The following SRP72 variants were observed in gnomAD, a reference collection of about 807,000 sequenced individuals.
SRP72 encodes signal recognition particle 72.
A neutral mutation model predicts 96.3 loss-of-function variants in SRP72; 49 were observed. The ratio of observed to expected loss-of-function variants is 0.51; its 90% CI spans 0.40 to 0.65. The LOEUF (loss-of-function observed/expected upper bound fraction) is 0.65. SRP72 is among the 30% of genes least tolerant of loss of function. The probability of loss-of-function intolerance (pLI) is 0.00; values close to 1 mark genes in which losing one functional copy is unlikely to be tolerated. For missense variants in SRP72, 736 were observed against 793.3 expected (o/e 0.93, Z 0.87); for synonymous variants, 267 against 275.2 (o/e 0.97, Z 0.30).
rs1721338702 is a variant in SRP72, at chr4:56,503,559, C to T, written c.*1698C>T. ...TTCCTCTTTTGGATAGGTCTTTAAC[C>T]AGTTCATATATATACTTTGTCAAAT... On this transcript the variant is annotated 3_prime_UTR_variant, in exon 19 of 19. Coordinates refer to ENST00000642900, the MANE Select transcript of SRP72 (RefSeq NM_006947.4). 6.6e-6 allele frequency: 1 copy of T among 152,140 alleles called. No individual in the cohort carries two copies. The highest frequency in any genetic ancestry group is 1.5e-5 in the Non-Finnish European group (1 of 68,026). 9.4% of individuals were successfully genotyped at this position (152,140 alleles called of 1,614,324 possible). A position where few individuals can be genotyped will look rare whatever the true frequency, so the allele number is the denominator to read the frequency against.
intron 16 of SRP72, among the ~76,000 whole-genome samples, chr4:56,494,232 T>G (rs1721002676): frequency 6.6e-6 from 1 of 152,198 alleles, no homozygotes; most frequent in Admixed American, 6.5e-5. Flanking sequence ...ATTTCTTATT[T>G]GGGGTATCCT....
intron 17 of SRP72, among the ~76,000 whole-genome samples, chr4:56,496,137 C>T (rs1721066537): frequency 6.6e-6 from 1 of 152,144 alleles, no homozygotes; most frequent in African/African-American, 2.4e-5. Flanking sequence ...CATTACCGTG[C>T]TTGATTTTAC....
intron 8 of SRP72, among the ~76,000 whole-genome samples, chr4:56,479,266 G>A (rs556020074): frequency 1.6e-4 from 24 of 151,920 alleles, no homozygotes; most frequent in African/African-American, 5.1e-4. Context: ...TGCAACCTCC[G>A]CCTCCCGCGT....
At chr4:56,478,825 A>C (rs1720353125) in intron 8 of SRP72, among the ~76,000 whole-genome samples, 176 bp downstream of exon 8, 1 of 152,216 alleles carries the variant, frequency 6.6e-6, no homozygotes, top group South Asian at 2.1e-4. Context: ...ATGATGCTGC[A>C]AGGTATACTC....
At chr4:56,473,292 T>C (rs1578176205) in intron 3 of SRP72, among the ~76,000 whole-genome samples, 1 of 151,918 alleles carries the variant, frequency 6.6e-6, no homozygotes, top group East Asian at 1.9e-4. Context: ...ACCCCATCTC[T>C]ACTAAAAAAT....
Position 56,473,444 on chromosome 4 carries a change from C to T in SRP72, c.355-610C>T, listed in dbSNP as rs529286299. ...CTGCACTCCAGCCTGGGTGACAGAG[C>T]GAGACTCCATCTCAAAAAAAAAAAA... is the stretch of plus-strand genomic sequence containing the variant. On this transcript the variant is annotated intron_variant, in intron 3 of 18. Transcript: ENST00000642900. 7.7e-5 allele frequency among the ~76,000 whole-genome samples: 11 copies of T among 142,034 alleles called. No individual in the cohort carries two copies. The East Asian group carries it at 1.5e-3, about 19-fold the overall frequency. The allele number at this position is 142,034 out of a possible 152,430, so 93.2% of individuals were successfully genotyped here. A position where few individuals can be genotyped will look rare whatever the true frequency, so the allele number is the denominator to read the frequency against.
At chr4:56,493,124 G>A (rs1398127132) in intron 16 of SRP72, among the ~76,000 whole-genome samples, 2 of 151,958 alleles carry the variant, frequency 1.3e-5, no homozygotes, top group East Asian at 1.9e-4. Context: ...TGCAACCTCC[G>A]CCTCCTGGGT....
At chr4:56,493,736 C>T (rs753350478) in intron 16 of SRP72, among the ~76,000 whole-genome samples, 2 of 152,026 alleles carry the variant, frequency 1.3e-5, no homozygotes, top group Non-Finnish European at 2.9e-5. Flanking sequence ...CGTAGTGACA[C>T]ATGTCTATAA....
chr4:56,486,248 AG>A, intron 10 of SRP72, 76 bp from the exon 11 acceptor site: 7 of 1,007,464 alleles, frequency 6.9e-6, no homozygotes, highest in Non-Finnish European at 1.0e-5. Context: ...AATCTTATGT[AG>A]CTAAGTAATT....
chr4:56,481,607 G>A (rs1044780483), intron 8 of SRP72, among the ~76,000 whole-genome samples: 2 of 151,904 alleles, frequency 1.3e-5, no homozygotes, highest in Non-Finnish European at 2.9e-5. Context: ...AAAAAAAATG[G>A]GTTCAAAAGT....
chr4:56,493,182 T>G (rs988373576), intron 16 of SRP72, among the ~76,000 whole-genome samples: 2 of 151,694 alleles, frequency 1.3e-5, no homozygotes, highest in Non-Finnish European at 2.9e-5. Context: ...GGACTACAGG[T>G]GCCTGCCATC....
rs760211942 is a variant in SRP72, at chr4:56,474,277, C to T, written c.499-3C>T. Reference sequence around the variant, plus strand: ...ATTTAACTGGTATTTTGTCCCCTGACAGGAGAACCTGGGCCTCCAAGAAGG... The same window carrying T: ...ATTTAACTGGTATTTTGTCCCCTGATAGGAGAACCTGGGCCTCCAAGAAGG... On this transcript the variant is annotated splice_polypyrimidine_tract_variant and splice_region_variant and intron_variant, in intron 4 of 18. Coordinates refer to ENST00000642900, the MANE Select transcript of SRP72 (RefSeq NM_006947.4). The T allele has an allele frequency of 1.2e-6, 2 of 1,613,804 alleles. No individual in the cohort carries two copies. The highest frequency in any genetic ancestry group is 1.7e-5 in the Admixed American group (1 of 59,976).
chr4:56,468,472 A>T (rs889864523), intron 1 of SRP72, among the ~76,000 whole-genome samples: 13 of 149,998 alleles, frequency 8.7e-5, no homozygotes, highest in Admixed American at 6.7e-4. Flanking sequence ...CTTACTACAT[A>T]CCTGGAATAT....
Position 56,490,382 on chromosome 4 carries a change from A to G in SRP72, c.1370A>G (p.Lys457Arg), listed in dbSNP as rs1226265544. 4 of 1,613,954 alleles carry G rather than the reference A, an allele frequency of 2.5e-6. No homozygotes were observed. Among genetic ancestry groups the G allele is most frequent in the Admixed American group, 1.7e-5 (1 of 59,988 alleles). ...TTGATAAGAGAAGCTGCAAACTTCA[A>G]ACTCAAATATGGGCGGAAGAAGGAG... ...LSLIREAANF[K>R]LKYGRKKEAI... Residue 457 changes from lysine (K) to arginine (R), a missense_variant, in exon 14 of 19, where the codon AAA becomes AGA. This residue lies in a region of SRP72 where 388 missense variants were observed against 431.8 expected (regional missense o/e 0.90). Transcript: ENST00000642900.
At chr4:56,487,361 C>A (rs1720750421) in intron 11 of SRP72, among the ~76,000 whole-genome samples, 2 of 152,118 alleles carry the variant, frequency 1.3e-5, no homozygotes, top group South Asian at 4.1e-4. Context: ...GTCTCTTTTT[C>A]CTTCTCCTCA....
chr4:56,479,936 T>C (rs1037271839), intron 8 of SRP72, among the ~76,000 whole-genome samples: 1 of 152,240 alleles, frequency 6.6e-6, no homozygotes, highest in African/African-American at 2.4e-5. Context: ...GTAGTCCTTA[T>C]CTCTGTAGGA....
At chr4:56,468,504 C>T (rs1048741552) in intron 1 of SRP72, among the ~76,000 whole-genome samples, 5 of 151,916 alleles carry the variant, frequency 3.3e-5, no homozygotes, top group Admixed American at 1.3e-4. Context: ...TTAATGTTCT[C>T]GGTGGTGCGC....
At chr4:56,477,810 G>A (rs895139298) in intron 6 of SRP72, among the ~76,000 whole-genome samples, 3 of 152,144 alleles carry the variant, frequency 2.0e-5, no homozygotes, top group South Asian at 2.1e-4. Context: ...TTAATCTGGA[G>A]CATCGGTTAA....
At position 56,478,177 on chromosome 4, in the gene SRP72, A is replaced by C. The variant is rs550177715; in HGVS notation, c.643-202A>C. Reference sequence around the variant, plus strand: ...TTCTTTTTTTTTTTTTTTTCTTTAGATACTTCTTAGAAGTTGAAGTCTTTT... The same window carrying C: ...TTCTTTTTTTTTTTTTTTTCTTTAGCTACTTCTTAGAAGTTGAAGTCTTTT... On this transcript the variant is annotated intron_variant, in intron 6 of 18. Transcript: ENST00000642900. Among the ~76,000 whole-genome samples the C allele has an allele frequency of 3.1e-5, 4 of 127,150 alleles. No individual in the cohort carries two copies. In the East Asian group the frequency reaches 8.8e-4, roughly 28 times the overall value. 83.4% of individuals were successfully genotyped at this position (127,150 alleles called of 152,430 possible).
Sources: gnomAD v4.1 joint callset for allele counts (sites outside exome capture counted in the v4.1 genomes callset) on GRCh38, gnomAD v4.1.1 for gene constraint, gnomAD v4.1.1 regional missense constraint, MANE v1.5 for transcripts, NCBI Gene and HGNC (gene_info 2026-07-23, HGNC 2026-07-21) for gene names.